The following ADAMTS4 variants were observed in gnomAD, a reference collection of about 807,000 sequenced individuals.
ADAMTS4 encodes A disintegrin and metalloproteinase with thrombospondin motifs 4.
ADAMTS4 carries 38 observed loss-of-function variants against 66.7 expected under a neutral mutation model. The ratio of observed to expected loss-of-function variants is 0.57; its 90% CI spans 0.44 to 0.75. The LOEUF (loss-of-function observed/expected upper bound fraction) is 0.75. Ranked by LOEUF, ADAMTS4 falls within the 30% of genes least tolerant of loss-of-function variation. The pLI is 0.00. For synonymous variants in ADAMTS4, 418 were observed against 461.5 expected (o/e 0.91, Z 1.21); for missense variants, 1,014 against 1,116.7 (o/e 0.91, Z 1.31).
chr1:161,191,652 A>C, intron 8 of ADAMTS4, 88 bp from the exon 9 acceptor site: 1 of 1,320,924 alleles, frequency 7.6e-7, no homozygotes, highest in Non-Finnish European at 1.0e-6. Flanking sequence ...ATGTGTGTAC[A>C]TGTGTGTAGA....
At chr1:161,191,993 C>T in intron 8 of ADAMTS4, 72 bp downstream of exon 8, 1 of 1,521,848 alleles carries the variant, frequency 6.6e-7, no homozygotes, top group Non-Finnish European at 9.0e-7. Context: ...GGAAACAGTG[C>T]TGAGTTCCCC....
chr1:161,187,377 C>T lies in ADAMTS4; in HGVS notation c.*3761G>A, dbSNP rs898783923. 1 of 152,038 alleles carries T rather than the reference C, an allele frequency of 6.6e-6. No homozygotes were observed. Among genetic ancestry groups the T allele is most frequent in the African/African-American group, 2.4e-5 (1 of 41,364 alleles). 9.4% of individuals were successfully genotyped at this position (152,038 alleles called of 1,614,324 possible). A position where few individuals can be genotyped will look rare whatever the true frequency, so the allele number is the denominator to read the frequency against. The stretch of plus-strand genomic sequence containing the variant: ...GTCTCATTTTGCAAACTAGATGAAA[C>T]GAGTAAAGATCACTATTGTCTTGTC... On this transcript the variant is annotated 3_prime_UTR_variant, in exon 9 of 9. Coordinates refer to ENST00000367996, the MANE Select transcript of ADAMTS4 (RefSeq NM_005099.6).
Position 161,198,948 on chromosome 1 carries a change from G to T in ADAMTS4, c.-321C>A, listed in dbSNP as rs1035238041. 2 of 309,988 alleles carry T rather than the reference G, an allele frequency of 6.5e-6. No individual in the cohort carries two copies. Among genetic ancestry groups the T allele is most frequent in the Non-Finnish European group, 5.9e-6 (1 of 168,678 alleles). The allele number at this position is 309,988 out of a possible 1,614,324, so 19.2% of individuals were successfully genotyped here. A position where few individuals can be genotyped will look rare whatever the true frequency, so the allele number is the denominator to read the frequency against. On this transcript the variant is annotated 5_prime_UTR_variant, in exon 1 of 9. Transcript: ENST00000367996. This position sits in a 1 kb window ranked among gnomAD's most constrained non-coding sequence, Gnocchi z 4.7. The stretch of plus-strand genomic sequence containing the variant: ...GTAGGACTCTGTCTGGGCCGCTTCT[G>T]TGCCTGCCCTGTCTCTGCCTTCTTC...
At position 161,196,072 on chromosome 1, in the gene ADAMTS4, G is replaced by A. The variant is rs1419279090; in HGVS notation, c.1090+99C>T. The A allele has an allele frequency of 1.8e-5, 26 of 1,433,410 alleles. 1 individual carries two copies. The highest frequency in any genetic ancestry group is 3.7e-4 in the Middle Eastern group (2 of 5,458). 88.8% of individuals were successfully genotyped at this position (1,433,410 alleles called of 1,614,324 possible). On this transcript the variant is annotated intron_variant, in intron 3 of 8. Coordinates refer to ENST00000367996, the MANE Select transcript of ADAMTS4 (RefSeq NM_005099.6). ...AATAGCCCTATACCTAGGCCTGGGG[G>A]AAGAATACCTTGGGACCCCCATTAA...
rs115888337 is a variant in ADAMTS4 at position 161,195,252 on chromosome 1, G to A, written c.1261+213C>T. Among the ~76,000 whole-genome samples the A allele has an allele frequency of 4.3e-3, 648 of 152,300 alleles. 5 individuals carry two copies. Among genetic ancestry groups the A allele is most frequent in the African/African-American group, 0.014 (593 of 41,550 alleles). ...TCAGAAAGTCAGTTCTAATTCTACT[G>A]AGCCAAAATTCGCCTCCTCTAGCTA... On this transcript the variant is annotated intron_variant, in intron 4 of 8. Transcript: ENST00000367996.
chr1:161,194,142 G>C lies in ADAMTS4; in HGVS notation c.1341C>G (p.Arg447=). 1 of 1,614,220 alleles carries C rather than the reference G, an allele frequency of 6.2e-7. No homozygotes were observed. Among genetic ancestry groups the C allele is most frequent in the Non-Finnish European group, 8.5e-7 (1 of 1,180,034 alleles). The change falls in exon 5 of 9, where the codon CGC becomes CGG. Residue 447 remains arginine (R), a synonymous_variant. Coordinates refer to ENST00000367996, the MANE Select transcript of ADAMTS4 (RefSeq NM_005099.6). The surrounding 1 kb of genome is among the most constrained non-coding windows in gnomAD (Gnocchi z 4.1). ...TFPGKDYDAD[R]QCQLTFGPDS... is the part of the protein sequence containing the mutation. ...CGGGCCCGAAGGTCAGCTGGCACTG[G>C]CGGTCAGCATCATAGTCCTTGCCAG...
chr1:161,196,116 A>T, intron 3 of ADAMTS4, 55 bp downstream of exon 3: 2 of 1,492,022 alleles, frequency 1.3e-6, no homozygotes, highest in South Asian at 2.7e-5. Context: ...TGAACTTGCT[A>T]CCCCCTCCCC....
rs546845852 is a variant in ADAMTS4, at chr1:161,190,124, G to A, written c.*1014C>T. 6.6e-6 allele frequency: 1 copy of A among 151,844 alleles called. No homozygotes were observed. Among genetic ancestry groups the A allele is most frequent in the African/African-American group, 2.4e-5 (1 of 41,376 alleles). 9.4% of individuals were successfully genotyped at this position (151,844 alleles called of 1,614,324 possible). ...TCCCAGCACTTTGGGAGATGAAGGC[G>A]AGTGGATCACCTAAGGTCAGGAGTT... On this transcript the variant is annotated 3_prime_UTR_variant, in exon 9 of 9. Coordinates refer to ENST00000367996, the MANE Select transcript of ADAMTS4 (RefSeq NM_005099.6).
chr1:161,194,281 C>T lies in ADAMTS4; in HGVS notation c.1262-60G>A. 1.9e-6 allele frequency: 3 copies of T among 1,540,400 alleles called. No individual in the cohort carries two copies. Among genetic ancestry groups the T allele is most frequent in the Non-Finnish European group, 2.7e-6 (3 of 1,129,934 alleles). On this transcript the variant is annotated intron_variant, in intron 4 of 8. Coordinates refer to ENST00000367996, the MANE Select transcript of ADAMTS4 (RefSeq NM_005099.6). This position sits in a 1 kb window ranked among gnomAD's most constrained non-coding sequence, Gnocchi z 4.1. ...GGCTGAGGGGAGCATTCAGGATTGC[C>T]AGCAGAAAGCTTAGGCTCCCTGGGG...
chr1:161,196,517 T>C, intron 2 of ADAMTS4, 40 bp downstream of exon 2: 1 of 1,595,226 alleles, frequency 6.3e-7, no homozygotes, highest in African/African-American at 1.3e-5. Context: ...CTTCTTAGAA[T>C]TGTGCAGTGC....
In ADAMTS4 at chr1:161,191,474, G is replaced by A. The variant is rs373500573; in HGVS notation, c.2178C>T (p.Tyr726=). The A allele has an allele frequency of 1.2e-6, 2 of 1,614,054 alleles. No homozygotes were observed. The highest frequency in any genetic ancestry group is 1.7e-5 in the Admixed American group (1 of 60,006). The part of the protein sequence containing the change: ...QQGNPGHRSI[Y]LALKLPDGSY... ...AGCCATCTGGCAGCTTCAGGGCCAA[G>A]TAGATGCTCCGGTGGCCAGGGTTTC... is the stretch of plus-strand genomic sequence containing the variant. Residue 726 remains tyrosine (Y), a synonymous_variant, in exon 9 of 9, where the codon TAC becomes TAT. Transcript: ENST00000367996.
chr1:161,188,947 G>C lies in ADAMTS4; in HGVS notation c.*2191C>G, dbSNP rs994096165. The C allele has an allele frequency of 7.3e-6, 1 of 136,730 alleles. No individual in the cohort carries two copies. The highest frequency in any genetic ancestry group is 2.7e-5 in the African/African-American group (1 of 36,892). 8.5% of individuals were successfully genotyped at this position (136,730 alleles called of 1,614,324 possible). On this transcript the variant is annotated 3_prime_UTR_variant, in exon 9 of 9. Transcript: ENST00000367996. ...GTAGACACGGGGTTTCACTGTGGTA[G>C]CCAGGATGGTCGGTCTCAATCTCCT...
At position 161,195,509 on chromosome 1, in the gene ADAMTS4, G is replaced by C; in HGVS notation, c.1217C>G (p.Pro406Arg). The C allele has an allele frequency of 1.9e-6, 3 of 1,613,556 alleles. No homozygotes were observed. The highest frequency in any genetic ancestry group is 2.5e-6 in the Non-Finnish European group (3 of 1,179,730). ...AHVDPEEPWS[P>R]CSARFITDFL... Reference sequence around the variant, plus strand: ...GTCAGTGATGAAGCGGGCACTGCAGGGGGACCAGGGCTCCTCAGGATCCAC... The same window carrying C: ...GTCAGTGATGAAGCGGGCACTGCAGCGGGACCAGGGCTCCTCAGGATCCAC... The change falls in exon 4 of 9, where the codon CCC (proline) becomes CGC (arginine). Residue 406 changes from proline (P) to arginine (R), a missense_variant. Pro to Arg is a moderately radical substitution (Grantham distance 103). Transcript: ENST00000367996.
chr1:161,195,977 T>C, intron 3 of ADAMTS4, 194 bp downstream of exon 3: 1 of 621,392 alleles, frequency 1.6e-6, no homozygotes, highest in Non-Finnish European at 2.6e-6. Flanking sequence ...GAGTTCACAG[T>C]AGTTTCGACC....
At position 161,194,088 on chromosome 1, in the gene ADAMTS4, C is replaced by CG. The variant is rs759823619; in HGVS notation, c.1394dup (p.Pro466AlafsTer66). On this transcript the variant is annotated frameshift_variant, in exon 5 of 9. Transcript: ENST00000367996. LOFTEE classifies it high-confidence loss of function. The surrounding 1 kb of genome is among the most constrained non-coding windows in gnomAD (Gnocchi z 4.1). ...CAGAGCACCAGAGGGCAGCACAGGG[C>CG]GGCGGCAGCTGTGGACAATGGCGTG... 1 of 1,614,210 alleles carries CG rather than the reference C, an allele frequency of 6.2e-7. No homozygotes were observed. Among genetic ancestry groups the CG allele is most frequent in the Non-Finnish European group, 8.5e-7 (1 of 1,180,040 alleles).
Position 161,198,057 on chromosome 1 carries a change from C to A in ADAMTS4, c.571G>T (p.Gly191Cys). 6.2e-7 allele frequency: 1 copy of A among 1,606,906 alleles called. No individual in the cohort carries two copies. Among genetic ancestry groups the A allele is most frequent in the Non-Finnish European group, 8.5e-7 (1 of 1,175,316 alleles). Residue 191 changes from glycine to cysteine, a missense_variant, in exon 1 of 9, where the codon GGT becomes TGT. By Grantham distance (159) the Gly-to-Cys change is radical. Coordinates refer to ENST00000367996, the MANE Select transcript of ADAMTS4 (RefSeq NM_005099.6). The surrounding 1 kb of genome is among the most constrained non-coding windows in gnomAD (Gnocchi z 4.7). ...GGAGCCTTGACGTTGCACATGGGAC[C>A]TTGACCGCTGGCAGGACTCTTCCGG... ...LRRKSPASGQ[G>C]PMCNVKAPLG...
Position 161,193,958 on chromosome 1 carries a change from T to C in ADAMTS4, c.1525A>G (p.Met509Val), listed in dbSNP as rs781171914. The change falls in exon 5 of 9, where the codon ATG (methionine) becomes GTG (valine). Residue 509 changes from methionine (M) to valine (V), a missense_variant. Physicochemically the swap from Met to Val is conservative, Grantham distance 21. Coordinates refer to ENST00000367996, the MANE Select transcript of ADAMTS4 (RefSeq NM_005099.6). The surrounding 1 kb of genome is among the most constrained non-coding windows in gnomAD (Gnocchi z 4.4). ...ACATTGAAGTCCTGGAGCTGGTCCATGTGGAGGCAGCGACCACCCATGCAG... is the reference window on the plus strand; with the variant it reads ...ACATTGAAGTCCTGGAGCTGGTCCACGTGGAGGCAGCGACCACCCATGCAG... ...QACMGGRCLHMDQLQDFNIPQ... is the reference protein window; with the variant it reads ...QACMGGRCLHVDQLQDFNIPQ... 5 of 1,591,188 alleles carry C rather than the reference T, an allele frequency of 3.1e-6. No individual in the cohort carries two copies. In the South Asian group the frequency reaches 3.4e-5, roughly 11 times the overall value.
At position 161,185,682 on chromosome 1, in the gene ADAMTS4, T is replaced by C. The variant is rs1664529842; in HGVS notation, c.*5456A>G. ...ATGAGATGCTAGTTTTGTCACTTAC[T>C]GCCAATCTGGTATTTTAGAAAACAA... On this transcript the variant is annotated 3_prime_UTR_variant, in exon 9 of 9. Transcript: ENST00000367996. 6.6e-6 allele frequency: 1 copy of C among 152,178 alleles called. No individual in the cohort carries two copies. Among genetic ancestry groups the C allele is most frequent in the Non-Finnish European group, 1.5e-5 (1 of 68,022 alleles). 9.4% of individuals were successfully genotyped at this position (152,178 alleles called of 1,614,324 possible). A position where few individuals can be genotyped will look rare whatever the true frequency, so the allele number is the denominator to read the frequency against.
At chr1:161,195,356 C>T in intron 4 of ADAMTS4, 109 bp downstream of exon 4, 15 of 1,164,756 alleles carry the variant, frequency 1.3e-5, no homozygotes, top group Non-Finnish European at 1.7e-5. Flanking sequence ...GCAGAGGAAG[C>T]ACACTTGGGG....
Sources: allele counts gnomAD v4.1 joint callset (sites outside exome capture counted in the v4.1 genomes callset), GRCh38; gene constraint gnomAD v4.1.1; non-coding constraint Gnocchi (gnomAD v3.1); transcripts MANE v1.5; gene names NCBI Gene and HGNC (gene_info 2026-07-23, HGNC 2026-07-21).